The following ARB2A variants were observed in gnomAD, a reference collection of about 807,000 sequenced individuals.
ARB2A encodes cotranscriptional regulator ARB2A.
the ARB2A span, among the ~76,000 whole-genome samples, chr5:93,864,605 A>G: frequency 6.6e-6 from 1 of 152,126 alleles, no homozygotes; most frequent in South Asian, 2.1e-4. Flanking sequence ...AAATTCTTAT[A>G]GAAACAATTT....
the ARB2A span, among the ~76,000 whole-genome samples, chr5:93,659,521 T>C: frequency 1.3e-5 from 2 of 152,108 alleles, no homozygotes; most frequent in Non-Finnish European, 2.9e-5. Context: ...GCAGACATTA[T>C]CTAAGTCTTG....
the ARB2A span, among the ~76,000 whole-genome samples, chr5:93,764,450 A>C: frequency 6.6e-6 from 1 of 152,244 alleles, no homozygotes; most frequent in South Asian, 2.1e-4. Context: ...AAAATCTAGA[A>C]GAAATGGATA....
At chr5:93,701,574 C>A in the ARB2A span, among the ~76,000 whole-genome samples, 1 of 151,822 alleles carries the variant, frequency 6.6e-6, no homozygotes, top group Non-Finnish European at 1.5e-5. Context: ...AACCAATAAT[C>A]CCTGTTTTTT....
At chr5:94,002,686 C>T in the ARB2A span, among the ~76,000 whole-genome samples, 2 of 150,244 alleles carry the variant, frequency 1.3e-5, no homozygotes, top group Admixed American at 6.6e-5. Context: ...AAATGCTAGA[C>T]TAGAAGTCTC....
At chr5:94,047,156 G>A in the ARB2A span, among the ~76,000 whole-genome samples, 5 of 152,132 alleles carry the variant, frequency 3.3e-5, no homozygotes, top group Admixed American at 3.3e-4. Context: ...GGTACTTAAA[G>A]CTGAGGAGTC....
the ARB2A span, among the ~76,000 whole-genome samples, chr5:93,893,940 T>G: frequency 6.6e-6 from 1 of 152,150 alleles, no homozygotes; most frequent in Non-Finnish European, 1.5e-5. Context: ...AGAGCTATTC[T>G]CCAAGACTCT....
chr5:93,740,763 T>C, the ARB2A span: 1 of 1,612,160 alleles, frequency 6.2e-7, no homozygotes, highest in East Asian at 2.2e-5. Flanking sequence ...CATTGGTTGG[T>C]CGACTGCCCA....
chr5:93,746,862 G>C, the ARB2A span, among the ~76,000 whole-genome samples: 10 of 152,318 alleles, frequency 6.6e-5, no homozygotes, highest in East Asian at 5.8e-4. Flanking sequence ...GCACTATGAT[G>C]ATGAGTCAGG....
chr5:93,946,739 T>C, the ARB2A span, among the ~76,000 whole-genome samples: 1 of 152,240 alleles, frequency 6.6e-6, no homozygotes, highest in Non-Finnish European at 1.5e-5. Context: ...ATTTTGATAC[T>C]ATGTCTTGGT....
chr5:93,683,434 T>C, the ARB2A span: 2 of 1,601,096 alleles, frequency 1.2e-6, no homozygotes, highest in Non-Finnish European at 1.7e-6. Flanking sequence ...CCACTGGTGG[T>C]GTTATTTCAA....
At chr5:93,775,820 G>A in the ARB2A span, among the ~76,000 whole-genome samples, 1 of 152,188 alleles carries the variant, frequency 6.6e-6, no homozygotes, top group Non-Finnish European at 1.5e-5. Flanking sequence ...TTGGAACTCA[G>A]AGACACATAT....
the ARB2A span, among the ~76,000 whole-genome samples, chr5:93,841,834 T>C: frequency 6.6e-6 from 1 of 152,192 alleles, no homozygotes; most frequent in African/African-American, 2.4e-5. Flanking sequence ...GAGTGTTGCT[T>C]ATGTATCTAA....
the ARB2A span, among the ~76,000 whole-genome samples, chr5:94,019,081 C>T: frequency 5.3e-5 from 8 of 152,044 alleles, no homozygotes; most frequent in African/African-American, 1.7e-4. Flanking sequence ...ATATTTAATA[C>T]ATGGTGTTGG....
chr5:94,111,517 T>C, the ARB2A span: 6 of 152,300 alleles, frequency 3.9e-5, no homozygotes, highest in South Asian at 6.2e-4. Context: ...CTACCTGAGC[T>C]CTGCCCCCAG....
chr5:93,863,267 T>C, the ARB2A span: 1 of 152,212 alleles, frequency 6.6e-6, no homozygotes, highest in East Asian at 1.9e-4. Context: ...TGGGGTCATT[T>C]CAGTGCCTTT....
chr5:93,827,851 G>C, the ARB2A span, among the ~76,000 whole-genome samples: 1 of 151,920 alleles, frequency 6.6e-6, no homozygotes, highest in Non-Finnish European at 1.5e-5. Flanking sequence ...TATTAAATAG[G>C]GAATCCTTTC....
At chr5:93,672,983 A>G in the ARB2A span, among the ~76,000 whole-genome samples, 1 of 152,178 alleles carries the variant, frequency 6.6e-6, no homozygotes, top group Admixed American at 6.5e-5. Flanking sequence ...ACCAAACTTC[A>G]TTTTGTTCAC....
At chr5:94,095,686 C>A in the ARB2A span, among the ~76,000 whole-genome samples, 1 of 151,932 alleles carries the variant, frequency 6.6e-6, no homozygotes, top group Non-Finnish European at 1.5e-5. Flanking sequence ...ACAACACTCC[C>A]ATAGTATCCT....
chr5:93,661,445 T>C, the ARB2A span, among the ~76,000 whole-genome samples: 13 of 152,006 alleles, frequency 8.6e-5, no homozygotes, highest in South Asian at 2.1e-3. Context: ...GGGACAGGAG[T>C]AAGGGGTCAT....
Sources: gnomAD v4.1 joint callset for allele counts (sites outside exome capture counted in the v4.1 genomes callset) on GRCh38, gnomAD v4.1.1 for gene constraint, MANE v1.5 for transcripts, NCBI Gene and HGNC (gene_info 2026-07-23, HGNC 2026-07-21) for gene names.